The following PPM1D variants were observed in gnomAD, a reference collection of about 807,000 sequenced individuals.
The protein encoded by PPM1D is protein phosphatase, Mg2+/Mn2+ dependent 1D.
Under a neutral mutation model 58.3 loss-of-function variants are expected in PPM1D, and 52 were observed. The observed-to-expected ratio is 0.89, with a 90% CI of 0.71 to 1.12. The LOEUF (loss-of-function observed/expected upper bound fraction) is 1.12. Ranked by LOEUF, PPM1D falls within the 50% of genes most tolerant of loss-of-function variation. PPM1D has a pLI of 0.00. For missense variants in PPM1D, 564 were observed against 777.2 expected (o/e 0.73, Z 3.26); for synonymous variants, 278 against 285.1 (o/e 0.98, Z 0.25).
rs1218321703 is a variant in PPM1D, at chr17:60,665,734, G to A, written c.*2182G>A. ...GCTGGGTGATAGTCTCGTGGTTTTG[G>A]TCAAGCTACCAACCAGGGCTACAAT... On this transcript the variant is annotated 3_prime_UTR_variant, in exon 6 of 6. Transcript: ENST00000305921. 1.3e-5 allele frequency: 2 copies of A among 152,144 alleles called. No individual in the cohort carries two copies. Among genetic ancestry groups the A allele is most frequent in the Non-Finnish European group, 2.9e-5 (2 of 68,030 alleles). 9.4% of individuals were successfully genotyped at this position (152,144 alleles called of 1,614,324 possible).
intron 1 of PPM1D, among the ~76,000 whole-genome samples, chr17:60,608,466 C>T (rs2030379243): frequency 1.3e-5 from 2 of 152,004 alleles, no homozygotes; most frequent in South Asian, 4.1e-4. Flanking sequence ...CTGATGAAAC[C>T]CAGTTTTTAC....
rs144142345 is a variant in PPM1D, at chr17:60,648,133, A to G, written c.1017+51A>G. 4.7e-3 allele frequency: 7,243 copies of G among 1,545,190 alleles called. 22 individuals carry two copies. Among genetic ancestry groups the G allele is most frequent in the Non-Finnish European group, 5.6e-3 (6,366 of 1,140,676 alleles). On this transcript the variant is annotated intron_variant, in intron 4 of 5. Transcript: ENST00000305921. ...ATTGTTGTCTAAACATTGTTTTGGT[A>G]CTTCTGTCAGAATCTTGAATATGAA...
intron 2 of PPM1D, among the ~76,000 whole-genome samples, chr17:60,625,011 G>A (rs1206252748): frequency 2.0e-5 from 3 of 150,748 alleles, no homozygotes; most frequent in Non-Finnish European, 4.4e-5. Context: ...GCGTGGCAGC[G>A]TGCAACTGTA....
intron 2 of PPM1D, among the ~76,000 whole-genome samples, chr17:60,628,113 G>A (rs1362677740): frequency 6.6e-6 from 1 of 152,128 alleles, no homozygotes; most frequent in Non-Finnish European, 1.5e-5. Context: ...CTCCCAAAGT[G>A]CTGGCATTTC....
intron 3 of PPM1D, among the ~76,000 whole-genome samples, chr17:60,641,220 T>C (rs1415667752): frequency 3.3e-5 from 5 of 152,244 alleles, no homozygotes; most frequent in Admixed American, 3.3e-4. Flanking sequence ...ACCAACAGTG[T>C]ATAAGCATTC....
chr17:60,626,379 T>C (rs1212267692), intron 2 of PPM1D, among the ~76,000 whole-genome samples: 1 of 151,808 alleles, frequency 6.6e-6, no homozygotes, highest in Non-Finnish European at 1.5e-5. Context: ...CTCAATGATG[T>C]GTTTTTTTGG....
At chr17:60,632,568 A>G (rs1295758416) in intron 2 of PPM1D, among the ~76,000 whole-genome samples, 2 of 151,892 alleles carry the variant, frequency 1.3e-5, no homozygotes, top group South Asian at 4.2e-4. Context: ...GTATCAGAAA[A>G]CAAAAAACAG....
chr17:60,663,556 G>A lies in PPM1D; in HGVS notation c.*4G>A. ...GAAAACTGTTTGTGTTTGCTGAAAT[G>A]CATCTGGGAAATGAGGTTTTTCCAA... On this transcript the variant is annotated 3_prime_UTR_variant, in exon 6 of 6. Transcript: ENST00000305921. 4 of 1,599,674 alleles carry A rather than the reference G, an allele frequency of 2.5e-6. No homozygotes were observed. The highest frequency in any genetic ancestry group is 1.7e-6 in the Non-Finnish European group (2 of 1,175,506).
At chr17:60,626,508 C>T (rs898073123) in intron 2 of PPM1D, among the ~76,000 whole-genome samples, 2 of 151,536 alleles carry the variant, frequency 1.3e-5, no homozygotes, top group African/African-American at 2.4e-5. Flanking sequence ...CATTCTCCTG[C>T]CTGAGCCTCT....
chr17:60,632,744 G>C (rs369208194), intron 2 of PPM1D, among the ~76,000 whole-genome samples: 187 of 152,320 alleles, frequency 1.2e-3, no homozygotes, highest in African/African-American at 4.3e-3. Context: ...CCAGCACTTT[G>C]GGAGGCTGAG....
intron 1 of PPM1D, among the ~76,000 whole-genome samples, chr17:60,610,316 T>G (rs925189155): frequency 6.6e-6 from 1 of 152,166 alleles, no homozygotes; most frequent in Non-Finnish European, 1.5e-5. Context: ...ACTACTCTAT[T>G]CTTCTGGGTC....
At chr17:60,651,050 A>G (rs936283599) in intron 4 of PPM1D, among the ~76,000 whole-genome samples, 15 of 152,292 alleles carry the variant, frequency 9.8e-5, no homozygotes, top group Admixed American at 3.9e-4. Context: ...ATGCACTTAG[A>G]GAGACTCTGT....
At chr17:60,621,913 C>T (rs1267831145) in intron 1 of PPM1D, among the ~76,000 whole-genome samples, 6 of 147,700 alleles carry the variant, frequency 4.1e-5, no homozygotes, top group Non-Finnish European at 7.4e-5. Flanking sequence ...ATCGGCCAGG[C>T]GTGGTGGCTC....
chr17:60,663,458 C>G lies in PPM1D; in HGVS notation c.1724C>G (p.Ser575Cys), dbSNP rs1000741337. Residue 575 changes from serine (S) to cysteine (C), a missense_variant, in exon 6 of 6, where the codon TCT (serine) becomes TGT (cysteine). By Grantham distance (112) the Ser-to-Cys change is moderately radical. This residue lies in a region of PPM1D where 261 missense variants were observed against 270.1 expected (regional missense o/e 0.97). Transcript: ENST00000305921. ...CCCACAACCTCACAGCGAAAGAACT[C>G]TGTTAAACTCACCATGCGACGCAGA... ...SLPTTSQRKN[S>C]VKLTMRRRLR... The G allele has an allele frequency of 6.2e-7, 1 of 1,614,012 alleles. No individual in the cohort carries two copies. Among genetic ancestry groups the G allele is most frequent in the African/African-American group, 1.3e-5 (1 of 74,908 alleles).
intron 3 of PPM1D, among the ~76,000 whole-genome samples, chr17:60,646,636 A>T (rs2031255382): frequency 6.6e-6 from 1 of 152,212 alleles, no homozygotes; most frequent in Non-Finnish European, 1.5e-5. Flanking sequence ...TATTACAGAA[A>T]AGTAGATGGT....
intron 1 of PPM1D, among the ~76,000 whole-genome samples, chr17:60,607,504 T>G (rs2143622666): frequency 6.6e-6 from 1 of 152,318 alleles, no homozygotes; most frequent in East Asian, 1.9e-4. Context: ...TTTCTCCATG[T>G]TGGTCAGGCT....
intron 2 of PPM1D, among the ~76,000 whole-genome samples, chr17:60,631,946 A>T (rs367701921): frequency 6.6e-6 from 1 of 151,964 alleles, no homozygotes; most frequent in African/African-American, 2.4e-5. Flanking sequence ...TGGGAGGCCG[A>T]GGTGGGTGGA....
chr17:60,630,934 T>C (rs762986664), intron 2 of PPM1D, among the ~76,000 whole-genome samples: 2 of 152,258 alleles, frequency 1.3e-5, no homozygotes, highest in Non-Finnish European at 2.9e-5. Context: ...GTTTAGTCTT[T>C]ACTCTGCTGT....
chr17:60,634,414 T>C (rs1017232206), intron 3 of PPM1D, among the ~76,000 whole-genome samples: 1 of 152,138 alleles, frequency 6.6e-6, no homozygotes, highest in African/African-American at 2.4e-5. Context: ...AAAAGCCTAA[T>C]TGAGGGGAAG....
Sources: allele counts gnomAD v4.1 joint callset (sites outside exome capture counted in the v4.1 genomes callset), GRCh38; gene constraint gnomAD v4.1.1; regional missense constraint gnomAD v4.1.1; transcripts MANE v1.5; gene names NCBI Gene and HGNC (gene_info 2026-07-23, HGNC 2026-07-21).